The following RFTN1 variants were observed in gnomAD, a reference collection of about 807,000 sequenced individuals.
RFTN1 encodes raftlin, lipid raft linker 1.
In RFTN1, 26 loss-of-function variants were observed where a neutral mutation model predicts 46.5. That is an observed-to-expected ratio of 0.56 (90% confidence interval 0.41 to 0.78). The LOEUF (loss-of-function observed/expected upper bound fraction) is 0.78. Ranked by LOEUF, RFTN1 falls within the 30% of genes least tolerant of loss-of-function variation. The pLI is 0.00. For synonymous variants in RFTN1, 261 were observed against 284.2 expected, an observed-to-expected ratio of 0.92 and a Z score of 0.82; for missense variants, 693 against 718.7, an observed-to-expected ratio of 0.96 and a Z score of 0.41.
rs1415237093 is a variant in RFTN1 at position 16,317,820 on chromosome 3, A to G, written c.1333-588T>C. 7.2e-6 allele frequency among the ~76,000 whole-genome samples: 1 copy of G among 139,324 alleles called. No homozygotes were observed. The highest frequency in any genetic ancestry group is 1.5e-5 in the Non-Finnish European group (1 of 66,456). 91.4% of individuals were successfully genotyped at this position (139,324 alleles called of 152,430 possible). A position where few individuals can be genotyped will look rare whatever the true frequency, so the allele number is the denominator to read the frequency against. The stretch of plus-strand genomic sequence containing the variant: ...CCTCACAGAAGGGTCACACCAGGGC[A>G]ACCTACAACCAATGACTGCCCCAGG... On this transcript the variant is annotated intron_variant, in intron 9 of 9. Transcript: ENST00000334133. This position sits in a 1 kb window ranked among gnomAD's most constrained non-coding sequence, Gnocchi z 4.3.
chr3:16,370,881 C>T lies in RFTN1; in HGVS notation c.827-602G>A, dbSNP rs1336153486. The T allele has an allele frequency of 3.3e-5, 5 of 152,692 alleles. No homozygotes were observed. Among genetic ancestry groups the T allele is most frequent in the African/African-American group, 1.2e-4 (5 of 41,440 alleles). 9.5% of individuals were successfully genotyped at this position (152,692 alleles called of 1,614,324 possible). A position where few individuals can be genotyped will look rare whatever the true frequency, so the allele number is the denominator to read the frequency against. ...TCCTGCCTGGAGTGGCAGGTCGGTCCAAACAGCCAAGAAGGCACAGGGGAT... is the reference window on the plus strand; with the variant it reads ...TCCTGCCTGGAGTGGCAGGTCGGTCTAAACAGCCAAGAAGGCACAGGGGAT... On this transcript the variant is annotated intron_variant, in intron 5 of 9. Coordinates refer to ENST00000334133, the MANE Select transcript of RFTN1 (RefSeq NM_015150.2). The surrounding 1 kb of genome is among the most constrained non-coding windows in gnomAD (Gnocchi z 5.5).
At chr3:16,462,015 C>T (rs1219784361) in intron 2 of RFTN1, among the ~76,000 whole-genome samples, 4 of 152,320 alleles carry the variant, frequency 2.6e-5, no homozygotes, top group Non-Finnish European at 5.9e-5. Flanking sequence ...GTCTAAAAGC[C>T]AGCTCCTGGA....
rs2076772994 is a variant in RFTN1 at position 16,504,733 on chromosome 3, C to T, written c.-9+8709G>A. On this transcript the variant is annotated intron_variant, in intron 1 of 9. Transcript: ENST00000334133. The surrounding 1 kb of genome is among the most constrained non-coding windows in gnomAD (Gnocchi z 4.4). ...GCTCCAGGCAAGAGCTCCCCAGTTC[C>T]CTTCCCAGCCTGCCTGTCTTCTCTC... Among the ~76,000 whole-genome samples, 1 of 152,174 alleles carries T rather than the reference C, an allele frequency of 6.6e-6. No homozygotes were observed. Among genetic ancestry groups the T allele is most frequent in the Admixed American group, 6.5e-5 (1 of 15,288 alleles).
In RFTN1 at chr3:16,475,730, C is replaced by A. The variant is rs2076270081; in HGVS notation, c.145+17995G>T. 6.6e-6 allele frequency among the ~76,000 whole-genome samples: 1 copy of A among 152,180 alleles called. No homozygotes were observed. Among genetic ancestry groups the A allele is most frequent in the Admixed American group, 6.5e-5 (1 of 15,274 alleles). ...GGATTGAGATCCCTAGGTTATTCCACCGGGTAATAAATAAACCTCTGCCAC... is the reference window on the plus strand; with the variant it reads ...GGATTGAGATCCCTAGGTTATTCCAACGGGTAATAAATAAACCTCTGCCAC... On this transcript the variant is annotated intron_variant, in intron 2 of 9. Transcript: ENST00000334133. This position sits in a 1 kb window ranked among gnomAD's most constrained non-coding sequence, Gnocchi z 4.2.
intron 2 of RFTN1, among the ~76,000 whole-genome samples, chr3:16,445,435 CTCTG>C (rs1158697333): frequency 1.3e-5 from 2 of 151,870 alleles, no homozygotes. Context: ...CTGTCTCTCT[CTCTG>C]TCTGTTGCCA....
In RFTN1 at chr3:16,482,863, G is replaced by A. The variant is rs1046083214; in HGVS notation, c.145+10862C>T. On this transcript the variant is annotated intron_variant, in intron 2 of 9. Coordinates refer to ENST00000334133, the MANE Select transcript of RFTN1 (RefSeq NM_015150.2). The stretch of plus-strand genomic sequence containing the variant: ...CTGCCATGAAGATGAAGGACTGTAC[G>A]AGGAGGAGCCTCCCACCGGGGTGAG... 1.2e-5 allele frequency: 19 copies of A among 1,531,958 alleles called. No individual in the cohort carries two copies. In the Admixed American group the frequency reaches 1.8e-4, roughly 14 times the overall value. The allele number at this position is 1,531,958 out of a possible 1,614,324, so 94.9% of individuals were successfully genotyped here. A position where few individuals can be genotyped will look rare whatever the true frequency, so the allele number is the denominator to read the frequency against.
chr3:16,410,130 T>C lies in RFTN1; in HGVS notation c.333-647A>G, dbSNP rs1399333739. Among the ~76,000 whole-genome samples the C allele has an allele frequency of 1.3e-5, 2 of 151,644 alleles. No individual in the cohort carries two copies. The highest frequency in any genetic ancestry group is 4.9e-5 in the African/African-American group (2 of 41,220). ...AAGTAATATATACATATCCACATCA[T>C]AGTAAGACCTCTAAGATGTAGCATC... is the stretch of plus-strand genomic sequence containing the variant. On this transcript the variant is annotated intron_variant, in intron 3 of 9. Transcript: ENST00000334133. This position sits in a 1 kb window ranked among gnomAD's most constrained non-coding sequence, Gnocchi z 4.6.
chr3:16,368,090 T>C (rs1217579435), intron 6 of RFTN1, among the ~76,000 whole-genome samples: 2 of 151,674 alleles, frequency 1.3e-5, no homozygotes, highest in Admixed American at 6.6e-5. Context: ...GGAGCCACTG[T>C]TGCCACAACC....
chr3:16,423,191 C>A, intron 3 of RFTN1, among the ~76,000 whole-genome samples: 1 of 151,364 alleles, frequency 6.6e-6, no homozygotes, highest in East Asian at 1.9e-4. Context: ...GTTAGACTCC[C>A]TGTCTTACTC....
In RFTN1 at chr3:16,481,680, G is replaced by C. The variant is rs2076369817; in HGVS notation, c.145+12045C>G. Among the ~76,000 whole-genome samples the C allele has an allele frequency of 6.6e-6, 1 of 152,176 alleles. No homozygotes were observed. Among genetic ancestry groups the C allele is most frequent in the South Asian group, 2.1e-4 (1 of 4,822 alleles). On this transcript the variant is annotated intron_variant, in intron 2 of 9. Coordinates refer to ENST00000334133, the MANE Select transcript of RFTN1 (RefSeq NM_015150.2). This position sits in a 1 kb window ranked among gnomAD's most constrained non-coding sequence, Gnocchi z 5.1. ...CTGCTACACAATTTATTAATGAACA[G>C]TGAAAAGAAACAGAAGCCAAAAGTG...
At position 16,322,196 on chromosome 3, in the gene RFTN1, C is replaced by T. The variant is rs1191508859; in HGVS notation, c.1332+1180G>A. On this transcript the variant is annotated intron_variant, in intron 9 of 9. Coordinates refer to ENST00000334133, the MANE Select transcript of RFTN1 (RefSeq NM_015150.2). The surrounding 1 kb of genome is among the most constrained non-coding windows in gnomAD (Gnocchi z 6.2). ...CTCCTGGTGGTTGATGGTGGGCTGGCAGTTCCCTTCTGGTCCATTGTGCCG... is the reference window on the plus strand; with the variant it reads ...CTCCTGGTGGTTGATGGTGGGCTGGTAGTTCCCTTCTGGTCCATTGTGCCG... Among the ~76,000 whole-genome samples, 1 of 152,212 alleles carries T rather than the reference C, an allele frequency of 6.6e-6. No individual in the cohort carries two copies. Among genetic ancestry groups the T allele is most frequent in the African/African-American group, 2.4e-5 (1 of 41,452 alleles).
At position 16,356,562 on chromosome 3, in the gene RFTN1, G is replaced by A. The variant is rs1269583760; in HGVS notation, c.1146+1370C>T. On this transcript the variant is annotated intron_variant, in intron 7 of 9. Coordinates refer to ENST00000334133, the MANE Select transcript of RFTN1 (RefSeq NM_015150.2). This position sits in a 1 kb window ranked among gnomAD's most constrained non-coding sequence, Gnocchi z 4.9. ...GCTGCAGCTTCAAAGCTGAGTAATA[G>A]TGTCCCGGGGGACATCCAACTCACC... is the stretch of plus-strand genomic sequence containing the variant. 6.6e-6 allele frequency among the ~76,000 whole-genome samples: 1 copy of A among 152,206 alleles called. No individual in the cohort carries two copies. Among genetic ancestry groups the A allele is most frequent in the African/African-American group, 2.4e-5 (1 of 41,440 alleles).
At chr3:16,350,270 CATT>C (rs2072004583) in intron 7 of RFTN1, 1 of 152,178 alleles carries the variant, frequency 6.6e-6, no homozygotes, top group African/African-American at 2.4e-5. Flanking sequence ...TGGACATGAA[CATT>C]ATTACCTTTT....
At position 16,433,701 on chromosome 3, in the gene RFTN1, TCTAA is replaced by T. The variant is rs979718704; in HGVS notation, c.332+146_332+149del. 24 of 749,840 alleles carry T rather than the reference TCTAA, an allele frequency of 3.2e-5. No homozygotes were observed. Among genetic ancestry groups the T allele is most frequent in the Non-Finnish European group, 5.0e-5 (22 of 437,784 alleles). 46.4% of individuals were successfully genotyped at this position (749,840 alleles called of 1,614,324 possible). On this transcript the variant is annotated intron_variant, in intron 3 of 9. Coordinates refer to ENST00000334133, the MANE Select transcript of RFTN1 (RefSeq NM_015150.2). This position sits in a 1 kb window ranked among gnomAD's most constrained non-coding sequence, Gnocchi z 4.4. ...GCTAGGAAAGAAACCTCTCTGGTTGTCTAACTGTTTGCCTCACCTGTCTGAGGGC... is the reference window on the plus strand; with the variant it reads ...GCTAGGAAAGAAACCTCTCTGGTTGTCTGTTTGCCTCACCTGTCTGAGGGC...
At position 16,379,231 on chromosome 3, in the gene RFTN1, C is replaced by G. The variant is rs529930084; in HGVS notation, c.442-1129G>C. Among the ~76,000 whole-genome samples, 10 of 152,368 alleles carry G rather than the reference C, an allele frequency of 6.6e-5. No individual in the cohort carries two copies. In the East Asian group the frequency reaches 1.7e-3, roughly 26 times the overall value. On this transcript the variant is annotated intron_variant, in intron 4 of 9. Transcript: ENST00000334133. Reference sequence around the variant, plus strand: ...TAAAGGAGAAGCTGCCCTGACAGCTCTCCTCGGAAGAACCACCCTGACATT... The same window carrying G: ...TAAAGGAGAAGCTGCCCTGACAGCTGTCCTCGGAAGAACCACCCTGACATT...
chr3:16,422,345 C>G lies in RFTN1; in HGVS notation c.332+11506G>C, dbSNP rs866799088. ...ATCAAGATCCTAAAAAAGAATAGTG[C>G]CCTGGCCGGGTGTGGTGGCTCACGC... On this transcript the variant is annotated intron_variant, in intron 3 of 9. Transcript: ENST00000334133. The surrounding 1 kb of genome is among the most constrained non-coding windows in gnomAD (Gnocchi z 4.6). Among the ~76,000 whole-genome samples the G allele has an allele frequency of 1.1e-4, 17 of 152,056 alleles. No homozygotes were observed. Among genetic ancestry groups the G allele is most frequent in the South Asian group, 8.3e-4 (4 of 4,818 alleles).
In RFTN1 at chr3:16,345,832, GCGCACGCGCACA is replaced by G. The variant is rs879687481; in HGVS notation, c.1146+12088_1146+12099del. On this transcript the variant is annotated intron_variant, in intron 7 of 9. Transcript: ENST00000334133. This position sits in a 1 kb window ranked among gnomAD's most constrained non-coding sequence, Gnocchi z 5.2. ...TGTGTGTGTGTGCGCGCGCGCGTGCGCGCACGCGCACATGTGCATGTGTATGTGTATAATCTC... is the reference window on the plus strand; with the variant it reads ...TGTGTGTGTGTGCGCGCGCGCGTGCGTGTGCATGTGTATGTGTATAATCTC... 0.047 allele frequency among the ~76,000 whole-genome samples: 3,015 copies of G among 63,658 alleles called. 60 individuals are homozygous for G. Among genetic ancestry groups the G allele is most frequent in the Non-Finnish European group, 0.073 (2,235 of 30,424 alleles). 41.8% of individuals were successfully genotyped at this position (63,658 alleles called of 152,430 possible). A position where few individuals can be genotyped will look rare whatever the true frequency, so the allele number is the denominator to read the frequency against.
At position 16,434,023 on chromosome 3, in the gene RFTN1, A is replaced by T. The variant is rs1218773643; in HGVS notation, c.160T>A (p.Ser54Thr). Reference protein sequence around the residue: ...TTLSAAELPGSSAVRLASLRD... With the variant: ...TTLSAAELPGTSAVRLASLRD... ...AGGGAGGCCAGCCTCACTGCTGAGG[A>T]CCCAGGGAGCTCCGCTGGAGTGGAG... Residue 54 changes from serine to threonine, a missense_variant, in exon 3 of 10, where the codon TCC becomes ACC. Coordinates refer to ENST00000334133, the MANE Select transcript of RFTN1 (RefSeq NM_015150.2). 1.1e-5 allele frequency: 17 copies of T among 1,602,340 alleles called. No homozygotes were observed. Among genetic ancestry groups the T allele is most frequent in the Non-Finnish European group, 1.4e-5 (16 of 1,175,736 alleles).
At chr3:16,409,991 AAT>A (rs1214079760) in intron 3 of RFTN1, among the ~76,000 whole-genome samples, 1 of 112,170 alleles carries the variant, frequency 8.9e-6, no homozygotes, top group African/African-American at 3.3e-5. Context: ...CCAGACGCAG[AAT>A]ATTTTTTTTT....
Sources: gnomAD v4.1 joint callset for allele counts (sites outside exome capture counted in the v4.1 genomes callset) on GRCh38, gnomAD v4.1.1 for gene constraint, Gnocchi (gnomAD v3.1) non-coding constraint, MANE v1.5 for transcripts, NCBI Gene and HGNC (gene_info 2026-07-23, HGNC 2026-07-21) for gene names.